PCDH15: variants seen among roughly 807,000 people sequenced by gnomAD.
PCDH15 encodes the protein protocadherin-15.
Under a neutral mutation model 178.5 loss-of-function variants are expected in PCDH15, and 129 were observed. The observed-to-expected ratio is 0.72, with a 90% CI of 0.63 to 0.84. PCDH15 has a LOEUF of 0.84. Among genes scored for constraint, PCDH15 ranks in the 40% least tolerant of loss-of-function variants. The pLI is 0.00. For missense variants in PCDH15, 2,230 were observed against 2,099.9 expected (o/e 1.06, Z -1.21); for synonymous variants, 800 against 732.0 (o/e 1.09, Z -1.50).
At chr10:55,504,981 G>C (rs117651057) in intron 2 of PCDH15, among the ~76,000 whole-genome samples, 1 of 151,322 alleles carries the variant, frequency 6.6e-6, no homozygotes. Context: ...GTTTTGTAGC[G>C]TATTAACAAA....
At chr10:55,142,129 C>T (rs1838370423) in intron 2 of PCDH15, among the ~76,000 whole-genome samples, 1 of 152,200 alleles carries the variant, frequency 6.6e-6, no homozygotes, top group African/African-American at 2.4e-5. Context: ...AAGCAAACCA[C>T]CACCAAAGTA....
chr10:55,534,231 C>A (rs1218143486), intron 2 of PCDH15, among the ~76,000 whole-genome samples: 1 of 151,742 alleles, frequency 6.6e-6, no homozygotes, highest in Non-Finnish European at 1.5e-5. Flanking sequence ...ATGAGTGGGA[C>A]CTAATTAAAG....
intron 2 of PCDH15, among the ~76,000 whole-genome samples, chr10:55,132,380 A>G (rs1838074579): frequency 6.6e-6 from 1 of 152,190 alleles, no homozygotes; most frequent in Admixed American, 6.5e-5. Flanking sequence ...AATAAATCTA[A>G]TTCTCCTTTT....
intron 1 of PCDH15, among the ~76,000 whole-genome samples, chr10:55,294,911 A>T (rs1843095856): frequency 6.6e-6 from 1 of 152,064 alleles, no homozygotes; most frequent in Non-Finnish European, 1.5e-5. Context: ...CCGTATTAAA[A>T]TTTTTCTCTG....
At chr10:55,084,028 C>T (rs7915629) in intron 2 of PCDH15, among the ~76,000 whole-genome samples, 31,438 of 151,384 alleles carry the variant, frequency 0.21, 3,518 homozygotes, top group African/African-American at 0.26. Flanking sequence ...AATGTAATTC[C>T]TATCAAAATA....
At chr10:53,958,228 A>G (rs2134254602) in intron 23 of PCDH15, among the ~76,000 whole-genome samples, 1 of 152,302 alleles carries the variant, frequency 6.6e-6, no homozygotes, top group South Asian at 2.1e-4. Context: ...AATTATTATC[A>G]TCATCCAACT....
intron 2 of PCDH15, among the ~76,000 whole-genome samples, chr10:55,048,496 A>G (rs1841071108): frequency 6.6e-6 from 1 of 151,956 alleles, no homozygotes; most frequent in Non-Finnish European, 1.5e-5. Flanking sequence ...TGCCTCTCAT[A>G]GCATTAATTG....
chr10:55,546,215 T>C (rs906202497), intron 2 of PCDH15, among the ~76,000 whole-genome samples: 6 of 152,160 alleles, frequency 3.9e-5, no homozygotes, highest in African/African-American at 1.4e-4. Flanking sequence ...CATGTACAAT[T>C]GATCTTAACA....
At chr10:55,501,480 T>C (rs1305466887) in intron 2 of PCDH15, among the ~76,000 whole-genome samples, 1 of 151,804 alleles carries the variant, frequency 6.6e-6, no homozygotes, top group Non-Finnish European at 1.5e-5. Flanking sequence ...TTATGATGTA[T>C]TTATTAATTT....
In PCDH15 at chr10:55,270,227, CAA is replaced by C. The variant is rs200782358; in HGVS notation, c.-156+49370_-156+49371del. ...ATACCCTTCTGAACATTGGCTTTGG[CAA>C]AGAGTTTGTGACTAAGTCCCCAAAA... On this transcript the variant is annotated intron_variant, in intron 1 of 5. Transcript: ENST00000458638. 3.3e-5 allele frequency among the ~76,000 whole-genome samples: 5 copies of C among 152,122 alleles called. No homozygotes were observed. The East Asian group carries it at 9.7e-4, about 29-fold the overall frequency.
intron 2 of PCDH15, among the ~76,000 whole-genome samples, chr10:55,080,666 C>T (rs1842017293): frequency 1.3e-5 from 2 of 152,074 alleles, no homozygotes; most frequent in Non-Finnish European, 1.5e-5. Context: ...GACTGTGCTA[C>T]CAGAGTGGGT....
chr10:55,406,641 T>C (rs953235267), intron 2 of PCDH15, among the ~76,000 whole-genome samples: 2 of 152,098 alleles, frequency 1.3e-5, no homozygotes, highest in African/African-American at 2.4e-5. Flanking sequence ...AGGCACTTTT[T>C]AGGTATCCAC....
At chr10:54,250,306 G>T (rs890639864) in intron 8 of PCDH15, among the ~76,000 whole-genome samples, 3 of 119,170 alleles carry the variant, frequency 2.5e-5, no homozygotes, top group African/African-American at 1.0e-4. Context: ...ACAGAGTCTC[G>T]CTCTGTCAAC....
chr10:55,138,124 C>T (rs773491557), intron 2 of PCDH15, among the ~76,000 whole-genome samples: 10 of 152,112 alleles, frequency 6.6e-5, no homozygotes, highest in Non-Finnish European at 8.8e-5. Flanking sequence ...TGTTGTAAGT[C>T]TGATCTTGGA....
rs1461596904 is a variant in PCDH15, at chr10:53,804,719, T to TTAATC, written c.*1855_*1859dup. 1 of 152,012 alleles carries TTAATC rather than the reference T, an allele frequency of 6.6e-6. No individual in the cohort carries two copies. Among genetic ancestry groups the TTAATC allele is most frequent in the African/African-American group, 2.4e-5 (1 of 41,434 alleles). 9.4% of individuals were successfully genotyped at this position (152,012 alleles called of 1,614,324 possible). On this transcript the variant is annotated 3_prime_UTR_variant, in exon 38 of 38. Coordinates refer to ENST00000644397, the MANE Select transcript of PCDH15 (RefSeq NM_001384140.1). ...ATTGAATTAGTAGGGAAATATATGC[T>TTAATC]TAATCTAATTCCTATACAAAGTATC...
chr10:55,071,408 C>A (rs1222354414), intron 2 of PCDH15, among the ~76,000 whole-genome samples: 2 of 152,036 alleles, frequency 1.3e-5, no homozygotes, highest in African/African-American at 4.8e-5. Flanking sequence ...GAAGATCTAC[C>A]AAGCAAATGG....
chr10:54,289,057 T>A (rs375993146), intron 8 of PCDH15, among the ~76,000 whole-genome samples: 1 of 152,354 alleles, frequency 6.6e-6, no homozygotes. Flanking sequence ...ATAGACTGCC[T>A]CCTCAAGTGG....
intron 2 of PCDH15, among the ~76,000 whole-genome samples, chr10:54,918,326 A>G (rs1366348963): frequency 1.5e-5 from 2 of 133,472 alleles, no homozygotes; most frequent in African/African-American, 4.1e-5. Context: ...GAAGTTATAG[A>G]AAAAAAAATG....
intron 2 of PCDH15, among the ~76,000 whole-genome samples, chr10:54,558,091 A>T (rs1278160220): frequency 6.6e-6 from 1 of 152,120 alleles, no homozygotes; most frequent in Non-Finnish European, 1.5e-5. Flanking sequence ...ATCCCACCAG[A>T]AATCTGATAT....
Sources: allele counts gnomAD v4.1 joint callset (sites outside exome capture counted in the v4.1 genomes callset), GRCh38; gene constraint gnomAD v4.1.1; transcripts MANE v1.5; gene names NCBI Gene and HGNC (gene_info 2026-07-23, HGNC 2026-07-21).